Variants in NME5 observed in about 807,000 individuals in gnomAD.
The protein encoded by NME5 is NME/NM23 family member 5, also known as nucleoside diphosphate kinase 5.
NME5 carries 18 observed loss-of-function variants against 21.6 expected under a neutral mutation model. The ratio of observed to expected loss-of-function variants is 0.83; its 90% confidence interval spans 0.58 to 1.24. NME5 has a LOEUF of 1.24. NME5 is among the 50% of genes most tolerant of loss of function. NME5 has a pLI of 0.00. For synonymous variants in NME5, 70 were observed against 80.6 expected (o/e 0.87, Z 0.71); for missense variants, 223 against 255.4 (o/e 0.87, Z 0.86).
chr5:138,122,441 T>TAAAAAAAAAAAAAAAAAAAAAAAAAAAAA (rs70979581), intron 4 of NME5, among the ~76,000 whole-genome samples: 1 of 34,452 alleles, frequency 2.9e-5, no homozygotes, highest in African/African-American at 1.1e-4. Flanking sequence ...ACTCTGTCTC[T>TAAAAAAAAAAAAAAAAAAAAAAAAAAAAA]AAAAAAAAAA....
At chr5:138,125,588 G>GA (rs144180375) in intron 4 of NME5, among the ~76,000 whole-genome samples, 1,535 of 151,794 alleles carry the variant, frequency 0.01, 27 homozygotes, top group African/African-American at 0.035. Context: ...CCACCCCCCA[G>GA]AAAAAAGGGA....
chr5:138,119,954 T>G (rs562555776), intron 4 of NME5, among the ~76,000 whole-genome samples: 97 of 152,062 alleles, frequency 6.4e-4, no homozygotes, highest in Middle Eastern at 3.4e-3. Flanking sequence ...TTTTTTTTTT[T>G]GACACAGGGT....
chr5:138,122,440 C>CAAAAAA (rs1360335135), intron 4 of NME5, among the ~76,000 whole-genome samples: 16 of 20,936 alleles, frequency 7.6e-4, no homozygotes, highest in Non-Finnish European at 1.1e-3. Context: ...AACTCTGTCT[C>CAAAAAA]TAAAAAAAAA....
chr5:138,138,655 AAC>A lies in NME5; in HGVS notation c.124_125del (p.Val42SerfsTer10). 6.2e-7 allele frequency: 1 copy of A among 1,610,678 alleles called. No homozygotes were observed. The highest frequency in any genetic ancestry group is 8.5e-7 in the Non-Finnish European group (1 of 1,179,206). On this transcript the variant is annotated frameshift_variant, in exon 2 of 6. Coordinates refer to ENST00000265191, the MANE Select transcript of NME5 (RefSeq NM_003551.3). LOFTEE classifies it high-confidence loss of function. ...AATCATCATACCCAGAAGTTACCTG[AAC>A]AATGGTGAATCCGGATCTAAGAATA... ...DIILRSGFTI[V>X]QRRKLRLSPE...
intron 2 of NME5, among the ~76,000 whole-genome samples, chr5:138,132,201 A>C (rs930318119): frequency 3.9e-5 from 6 of 152,146 alleles, no homozygotes; most frequent in African/African-American, 1.4e-4. Flanking sequence ...CTCTACAAAA[A>C]ATACAAAAAT....
At chr5:138,119,815 T>C (rs1464980584) in intron 4 of NME5, among the ~76,000 whole-genome samples, 2 of 151,990 alleles carry the variant, frequency 1.3e-5, no homozygotes, top group Non-Finnish European at 2.9e-5. Flanking sequence ...AGTTGGGATG[T>C]TTCTCTTATT....
At chr5:138,127,396 A>C (rs1751449837) in intron 4 of NME5, 2 of 833,860 alleles carry the variant, frequency 2.4e-6, no homozygotes, top group East Asian at 1.2e-4. Flanking sequence ...AAAACATGTG[A>C]AATCTCCAAA....
intron 2 of NME5, among the ~76,000 whole-genome samples, chr5:138,130,133 A>C (rs1751527624): frequency 6.6e-6 from 1 of 152,248 alleles, no homozygotes. Flanking sequence ...ACTTAGAAAT[A>C]ACAGCTAGGC....
chr5:138,138,405 G>A (rs866588132), intron 2 of NME5: 29 of 376,860 alleles, frequency 7.7e-5, no homozygotes, highest in Middle Eastern at 7.5e-4. Flanking sequence ...AACAGAAAGT[G>A]TTAAGTGGTT....
chr5:138,129,935 C>A (rs544797011), intron 2 of NME5, among the ~76,000 whole-genome samples: 1 of 152,246 alleles, frequency 6.6e-6, no homozygotes, highest in East Asian at 1.9e-4. Context: ...CCAGCCCGGG[C>A]GACAGAGAAA....
At chr5:138,115,879 C>A in intron 5 of NME5, 115 bp from the exon 6 acceptor site, 1 of 608,798 alleles carries the variant, frequency 1.6e-6, no homozygotes, top group South Asian at 3.1e-5. Context: ...AGAAAATGAC[C>A]ATTAAAAATG....
intron 2 of NME5, among the ~76,000 whole-genome samples, chr5:138,134,950 G>A (rs1206631763): frequency 1.1e-4 from 17 of 149,914 alleles, no homozygotes; most frequent in African/African-American, 2.7e-4. Context: ...TGATCTGCCC[G>A]CCTCGGCCTC....
chr5:138,127,627 TA>T, intron 4 of NME5: 4 of 984,424 alleles, frequency 4.1e-6, no homozygotes, highest in Non-Finnish European at 4.8e-6. Flanking sequence ...ATTTCTGCTC[TA>T]AAAATATTAA....
chr5:138,129,248 A>T lies in NME5; in HGVS notation c.335+15T>A. ...GGATTCCATTCCCTGCCATCCCCCA[A>T]ACCCTGAAAATTACCTGTCTGGATG... On this transcript the variant is annotated intron_variant, in intron 3 of 5. Coordinates refer to ENST00000265191, the MANE Select transcript of NME5 (RefSeq NM_003551.3). 6.3e-7 allele frequency: 1 copy of T among 1,585,552 alleles called. No individual in the cohort carries two copies. Among genetic ancestry groups the T allele is most frequent in the Non-Finnish European group, 8.7e-7 (1 of 1,154,254 alleles).
chr5:138,129,145 T>TTTG, intron 3 of NME5, 118 bp downstream of exon 3: 1 of 817,228 alleles, frequency 1.2e-6, no homozygotes, highest in Non-Finnish European at 1.9e-6. Context: ...CCAAAAAAGT[T>TTTG]GATTTTGGAA....
chr5:138,118,660 T>C (rs913320349), intron 5 of NME5, among the ~76,000 whole-genome samples, 158 bp downstream of exon 5: 3 of 151,896 alleles, frequency 2.0e-5, no homozygotes, highest in African/African-American at 7.3e-5. Flanking sequence ...AATTTTTGTA[T>C]TTTTAGTACA....
intron 4 of NME5, among the ~76,000 whole-genome samples, chr5:138,121,991 C>T (rs1038796788): frequency 2.0e-5 from 3 of 151,962 alleles, no homozygotes; most frequent in African/African-American, 7.3e-5. Context: ...CTGCACCCAA[C>T]CCAAAACTGT....
intron 2 of NME5, among the ~76,000 whole-genome samples, chr5:138,135,811 G>A (rs772280675): frequency 1.3e-5 from 2 of 151,994 alleles, no homozygotes; most frequent in Non-Finnish European, 1.5e-5. Context: ...GTTCTTCCTT[G>A]CCCTCAATAG....
At chr5:138,135,046 T>A in intron 2 of NME5, among the ~76,000 whole-genome samples, 1 of 146,494 alleles carries the variant, frequency 6.8e-6, no homozygotes, top group Non-Finnish European at 1.5e-5. Flanking sequence ...TGGCCGGGCA[T>A]AGTGGCTCAC....
Sources: gnomAD v4.1 joint callset for allele counts (sites outside exome capture counted in the v4.1 genomes callset) on GRCh38, gnomAD v4.1.1 for gene constraint, MANE v1.5 for transcripts, NCBI Gene and HGNC (gene_info 2026-07-23, HGNC 2026-07-21) for gene names.